Variants in BTBD9 observed in about 807,000 individuals in gnomAD.
BTBD9 encodes BTB domain containing 9, also known as BTB/POZ domain-containing protein 9.
A neutral mutation model predicts 64.3 loss-of-function variants in BTBD9; 49 were observed. The ratio of observed to expected loss-of-function variants is 0.76; its 90% confidence interval spans 0.61 to 0.97. The LOEUF (loss-of-function observed/expected upper bound fraction) is 0.97, where lower values mean the gene tolerates loss of function less well. Among genes scored for constraint, BTBD9 ranks in the 50% least tolerant of loss-of-function variants. The pLI is 0.00. For synonymous variants in BTBD9, 260 were observed against 274.7 expected, an observed-to-expected ratio of 0.95 and a Z score of 0.53; for missense variants, 598 against 762.1, an observed-to-expected ratio of 0.78 and a Z score of 2.53.
intron 7 of BTBD9, among the ~76,000 whole-genome samples, chr6:38,309,110 C>A (rs574997322): frequency 6.6e-6 from 1 of 151,878 alleles, no homozygotes; most frequent in Admixed American, 6.6e-5. Flanking sequence ...TGGCTCATGC[C>A]TGTAATCCCA....
intron 8 of BTBD9, among the ~76,000 whole-genome samples, chr6:38,269,466 GC>G (rs1351288231): frequency 8.5e-5 from 13 of 152,096 alleles, no homozygotes; most frequent in Admixed American, 8.5e-4. Flanking sequence ...GGTCTTCAAA[GC>G]TGGGATCACA....
intron 6 of BTBD9, among the ~76,000 whole-genome samples, chr6:38,428,186 A>G (rs1052733073): frequency 3.3e-5 from 5 of 151,868 alleles, no homozygotes; most frequent in Non-Finnish European, 5.9e-5. Flanking sequence ...TGAACATCAA[A>G]GGTGCTTCAT....
chr6:38,396,886 TTTTTC>T (rs1766697863), intron 6 of BTBD9, among the ~76,000 whole-genome samples: 1 of 146,270 alleles, frequency 6.8e-6, no homozygotes, highest in Non-Finnish European at 1.5e-5. Context: ...CTTGATTCTT[TTTTTC>T]TTTTTCTTTT....
intron 4 of BTBD9, among the ~76,000 whole-genome samples, chr6:38,583,466 T>A (rs1273398205): frequency 6.6e-6 from 1 of 152,086 alleles, no homozygotes; most frequent in Non-Finnish European, 1.5e-5. Context: ...GCCACTGCAC[T>A]CCAGCCTGGA....
chr6:38,450,222 G>T (rs1166594035), intron 6 of BTBD9, among the ~76,000 whole-genome samples: 1 of 152,220 alleles, frequency 6.6e-6, no homozygotes, highest in African/African-American at 2.4e-5. Context: ...TGATCATATA[G>T]AAGTACAGAG....
At chr6:38,302,519 A>ATATATG (rs1762450944) in intron 7 of BTBD9, among the ~76,000 whole-genome samples, 2 of 109,614 alleles carry the variant, frequency 1.8e-5, no homozygotes, top group Non-Finnish European at 4.0e-5. Flanking sequence ...ATATATATAT[A>ATATATG]TATATCACAT....
intron 7 of BTBD9, among the ~76,000 whole-genome samples, chr6:38,342,327 G>T (rs1275127375): frequency 6.6e-6 from 1 of 151,966 alleles, no homozygotes; most frequent in Non-Finnish European, 1.5e-5. Context: ...CCTGAGGTCA[G>T]GAGTTCGAGA....
At chr6:38,428,921 G>A (rs1768308684) in intron 6 of BTBD9, among the ~76,000 whole-genome samples, 1 of 151,412 alleles carries the variant, frequency 6.6e-6, no homozygotes, top group East Asian at 2.0e-4. Context: ...GTGTTAGCCA[G>A]TATGGTCTTG....
chr6:38,315,961 A>G (rs1763013795), intron 7 of BTBD9, among the ~76,000 whole-genome samples: 2 of 152,256 alleles, frequency 1.3e-5, no homozygotes, highest in South Asian at 2.1e-4. Context: ...AGCTCTAATA[A>G]TATTTGCTTT....
At chr6:38,616,957 G>A (rs931282534) in intron 1 of BTBD9, among the ~76,000 whole-genome samples, 2 of 152,138 alleles carry the variant, frequency 1.3e-5, no homozygotes, top group Non-Finnish European at 2.9e-5. Context: ...ACACATCTTG[G>A]GGACTTGTCC....
At chr6:38,609,738 A>T (rs1777549813) in intron 1 of BTBD9, among the ~76,000 whole-genome samples, 1 of 152,210 alleles carries the variant, frequency 6.6e-6, no homozygotes, top group South Asian at 2.1e-4. Context: ...TCATGGAACA[A>T]ATTTAATTCA....
chr6:38,608,777 T>G (rs980246238), intron 1 of BTBD9, among the ~76,000 whole-genome samples: 1 of 152,236 alleles, frequency 6.6e-6, no homozygotes, highest in Non-Finnish European at 1.5e-5. Context: ...ATTTATAAGT[T>G]TATTTGTGCC....
At chr6:38,218,204 G>A (rs1763080052) in intron 9 of BTBD9, among the ~76,000 whole-genome samples, 1 of 152,170 alleles carries the variant, frequency 6.6e-6, no homozygotes, top group Admixed American at 6.5e-5. Flanking sequence ...GGCAACAAAT[G>A]TTTTCTGTAA....
chr6:38,361,191 G>C (rs976383355), intron 6 of BTBD9, among the ~76,000 whole-genome samples: 1 of 152,156 alleles, frequency 6.6e-6, no homozygotes, highest in African/African-American at 2.4e-5. Context: ...ATGTAGCTAG[G>C]GGGTGGGGAC....
At chr6:38,342,367 C>A (rs1764135509) in intron 7 of BTBD9, among the ~76,000 whole-genome samples, 1 of 151,748 alleles carries the variant, frequency 6.6e-6, no homozygotes, top group Non-Finnish European at 1.5e-5. Flanking sequence ...GAAACCCTGT[C>A]TCAACTAAAA....
chr6:38,237,500 T>C (rs1251669984), intron 9 of BTBD9, among the ~76,000 whole-genome samples: 1 of 152,182 alleles, frequency 6.6e-6, no homozygotes, highest in Non-Finnish European at 1.5e-5. Context: ...CAGTCCCCGG[T>C]GATCATGGAA....
intron 6 of BTBD9, among the ~76,000 whole-genome samples, chr6:38,430,799 G>A (rs1768408675): frequency 6.6e-6 from 1 of 151,918 alleles, no homozygotes; most frequent in South Asian, 2.1e-4. Context: ...ACAGGCATGA[G>A]CTACTCCAAT....
intron 1 of BTBD9, among the ~76,000 whole-genome samples, chr6:38,624,870 A>G (rs1321371399): frequency 1.3e-5 from 2 of 152,192 alleles, no homozygotes; most frequent in African/African-American, 4.8e-5. Context: ...ATGGACTCCA[A>G]TTTAGGAGAA....
Position 38,351,798 on chromosome 6 carries a change from G to A in BTBD9, c.1155-6705C>T, listed in dbSNP as rs200387414. ...ACAGGCATGAGCCACCGCCCCAGCC[G>A]TAATTGTTTTTTATTTGGGGGAAAA... On this transcript the variant is annotated intron_variant, in intron 6 of 10. Coordinates refer to ENST00000481247, the MANE Select transcript of BTBD9 (RefSeq NM_001099272.2). 8.8e-4 allele frequency among the ~76,000 whole-genome samples: 134 copies of A among 152,060 alleles called. 3 individuals are homozygous for A. In the East Asian group the frequency reaches 0.014, roughly 16 times the overall value.
Sources: allele counts gnomAD v4.1 joint callset (sites outside exome capture counted in the v4.1 genomes callset), GRCh38; gene constraint gnomAD v4.1.1; transcripts MANE v1.5; gene names NCBI Gene and HGNC (gene_info 2026-07-23, HGNC 2026-07-21).